The following RIF1 variants were observed in gnomAD, a reference collection of about 807,000 sequenced individuals.
The protein encoded by RIF1 is replication timing regulatory factor 1, also known as telomere-associated protein RIF1.
In RIF1, 45 loss-of-function variants were observed where a neutral mutation model predicts 247.1. The ratio of observed to expected loss-of-function variants is 0.18; its 90% CI spans 0.14 to 0.23. The LOEUF (loss-of-function observed/expected upper bound fraction) is 0.23. Among genes scored for constraint, RIF1 ranks in the 10% least tolerant of loss-of-function variants. RIF1 has a pLI of 1.00. For missense variants in RIF1, 2,967 were observed against 2,862.5 expected (o/e 1.04, Z -0.83); for synonymous variants, 1,087 against 978.8 (o/e 1.11, Z -2.06).
At chr2:151,458,555 T>A (rs1695608252) in intron 24 of RIF1, among the ~76,000 whole-genome samples, 1 of 152,076 alleles carries the variant, frequency 6.6e-6, no homozygotes, top group African/African-American at 2.4e-5. Context: ...AAGCTAGACA[T>A]GAATACTTTA....
chr2:151,456,521 G>A, intron 22 of RIF1, 57 bp from the exon 23 acceptor site: 1 of 886,812 alleles, frequency 1.1e-6, no homozygotes, highest in South Asian at 1.5e-5. Context: ...TAGCTTGATA[G>A]ATAGTACAGT....
the RIF1 span, among the ~76,000 whole-genome samples, chr2:151,517,170 C>T: frequency 6.6e-6 from 1 of 152,164 alleles, no homozygotes; most frequent in African/African-American, 2.4e-5. Flanking sequence ...CTCAAAAGAT[C>T]CTCAAGCCTG....
the RIF1 span, chr2:151,525,042 C>A: frequency 1.3e-6 from 1 of 785,036 alleles, no homozygotes; most frequent in Non-Finnish European, 2.2e-6. Flanking sequence ...ATTCTCGCCA[C>A]TAACTTTTTG....
chr2:151,463,117 T>C lies in RIF1; in HGVS notation c.3597T>C (p.Ser1199=), dbSNP rs1265452799. ...CAGAAAATTCTTTCGTTGTCAGCAG[T>C]AGTTCAGTTTCTAATACCACTGTTG... ...SSTENSFVVS[S]SSVSNTTVAG... is the part of the protein sequence containing the mutation. The change falls in exon 30 of 36, where the codon AGT becomes AGC. Residue 1199 remains serine, a synonymous_variant. Coordinates refer to ENST00000444746, the MANE Select transcript of RIF1 (RefSeq NM_018151.5). 4 of 1,613,828 alleles carry C rather than the reference T, an allele frequency of 2.5e-6. No homozygotes were observed. The highest frequency in any genetic ancestry group is 3.4e-6 in the Non-Finnish European group (4 of 1,179,844).
chr2:151,425,814 G>A (rs957439816), intron 8 of RIF1, among the ~76,000 whole-genome samples: 1 of 150,988 alleles, frequency 6.6e-6, no homozygotes, highest in Non-Finnish European at 1.5e-5. Flanking sequence ...TTACAGGCGC[G>A]CACTACCATG....
chr2:151,500,120 G>C (rs913527967), intron 11 of RIF1, among the ~76,000 whole-genome samples: 14 of 151,912 alleles, frequency 9.2e-5, no homozygotes, highest in African/African-American at 3.4e-4. Flanking sequence ...AAAACAATGA[G>C]TATAACATTC....
chr2:151,513,488 G>T, the RIF1 span: 1 of 911,180 alleles, frequency 1.1e-6, no homozygotes, highest in Non-Finnish European at 1.7e-6. Flanking sequence ...GCATGTGACT[G>T]TCACCAATAA....
At chr2:151,424,841 TTTTTTTTTTTTTTTTC>T (rs1688743753) in intron 8 of RIF1, among the ~76,000 whole-genome samples, 1 of 141,916 alleles carries the variant, frequency 7.0e-6, no homozygotes, top group East Asian at 2.2e-4. Context: ...TTTTTTTTTT[TTTTTTTTTTTTTTTTC>T]CATATTTTTT....
In RIF1 at chr2:151,455,101, A is replaced by G; in HGVS notation, c.2551A>G (p.Ile851Val). ...TGGGCATATTTCTTTGCCTTCTATG[A>G]TCCGAAAAATATTTGCAACTTTAAC... is the stretch of plus-strand genomic sequence containing the variant. ...VLGHISLPSM[I>V]RKIFATLTRP... Residue 851 changes from isoleucine to valine, a missense_variant, in exon 22 of 36, where the codon ATC (isoleucine) becomes GTC (valine). Ile to Val is a conservative substitution (Grantham distance 29). Coordinates refer to ENST00000444746, the MANE Select transcript of RIF1 (RefSeq NM_018151.5). 1 of 1,613,296 alleles carries G rather than the reference A, an allele frequency of 6.2e-7. No homozygotes were observed. Among genetic ancestry groups the G allele is most frequent in the African/African-American group, 1.3e-5 (1 of 75,030 alleles).
chr2:151,500,603 T>TC (rs2063718307), intron 11 of RIF1, among the ~76,000 whole-genome samples: 1 of 148,760 alleles, frequency 6.7e-6, no homozygotes, highest in African/African-American at 2.5e-5. Flanking sequence ...CTTTTTTTTT[T>TC]TTTTTTTTTT....
chr2:151,533,457 C>T, the RIF1 span: 18 of 1,549,976 alleles, frequency 1.2e-5, no homozygotes, highest in South Asian at 2.4e-5. Context: ...TCCACATATG[C>T]GAATTGTAGA....
At chr2:151,531,122 A>C in the RIF1 span, 1 of 1,475,904 alleles carries the variant, frequency 6.8e-7, no homozygotes, top group South Asian at 1.2e-5. Flanking sequence ...AAAAAGCAGA[A>C]AGACATCATG....
chr2:151,470,935 A>G (rs1437900671), intron 34 of RIF1, among the ~76,000 whole-genome samples: 2 of 152,142 alleles, frequency 1.3e-5, no homozygotes, highest in African/African-American at 2.4e-5. Context: ...TATGATTTAC[A>G]TCGTGTAAAA....
rs371731867 is a variant in RIF1 at position 151,464,531 on chromosome 2, G to A, written c.5011G>A (p.Glu1671Lys). The A allele has an allele frequency of 1.0e-4, 164 of 1,611,468 alleles. No homozygotes were observed. Among genetic ancestry groups the A allele is most frequent in the Non-Finnish European group, 1.3e-4 (152 of 1,179,140 alleles). Residue 1671 changes from glutamate (E) to lysine (K), a missense_variant, in exon 30 of 36, where the codon GAA (glutamate) becomes AAA (lysine). Transcript: ENST00000444746. The part of the protein sequence containing the change: ...EYSFTSLPVP[E>K]SNLRTRNAIK... The stretch of plus-strand genomic sequence containing the variant: ...TTCCTTTACAAGTCTACCTGTGCCA[G>A]AATCAAATCTAAGGACTAGAAATGC...
chr2:151,508,083 C>G, downstream of RIF1: 3 of 1,608,952 alleles, frequency 1.9e-6, no homozygotes, highest in Non-Finnish European at 2.5e-6. Flanking sequence ...ACGACATGGA[C>G]TTCTCAGCAT....
In RIF1 at chr2:151,415,563, CAAAAAAAAA is replaced by C. The variant is rs3040729; in HGVS notation, c.280+658_280+666del. On this transcript the variant is annotated intron_variant, in intron 4 of 35. Coordinates refer to ENST00000444746, the MANE Select transcript of RIF1 (RefSeq NM_018151.5). ...TGCACTCCAGACTGGGACTCTGTCT[CAAAAAAAAA>C]AAAAAAAAAAAAAGGATATTGCTGG... is the stretch of plus-strand genomic sequence containing the variant. Among the ~76,000 whole-genome samples the C allele has an allele frequency of 7.0e-3, 316 of 44,882 alleles. 10 individuals carry two copies. The East Asian group carries it at 0.13, about 18-fold the overall frequency. The allele number at this position is 44,882 out of a possible 152,430, so 29.4% of individuals were successfully genotyped here.
rs531314016 is a variant in RIF1, at chr2:151,501,256, C to CAGA, written c.*709+1719_*709+1721dup. On this transcript the variant is annotated intron_variant and NMD_transcript_variant, in intron 11 of 13. Coordinates refer to the RIF1 transcript ENST00000454583. ...AATGGTGAGTAGGAGATCTGGAAAA[C>CAGA]AGAAGGATTCAGTTGATGTGATTAA... is the stretch of plus-strand genomic sequence containing the variant. 390 of 553,752 alleles carry CAGA rather than the reference C, an allele frequency of 7.0e-4. 3 individuals are homozygous for CAGA. The East Asian group carries it at 8.5e-3, about 12-fold the overall frequency. The allele number at this position is 553,752 out of a possible 1,614,324, so 34.3% of individuals were successfully genotyped here.
rs1559019212 is a variant in RIF1, at chr2:151,464,898, G to T, written c.5378G>T (p.Ser1793Ile). The change falls in exon 30 of 36, where the codon AGT (serine) becomes ATT (isoleucine). Residue 1793 changes from serine to isoleucine, a missense_variant. By Grantham distance (142) the Ser-to-Ile change is moderately radical (BLOSUM62 -2). Transcript: ENST00000444746. The part of the protein sequence containing the change: ...SEGQFLDEHH[S>I]VNFHLGLKED... ...GGACAATTTTTAGATGAACATCATA[G>T]TGTGAATTTTCATTTGGGTCTCAAA... The T allele has an allele frequency of 6.3e-7, 1 of 1,583,030 alleles. No individual in the cohort carries two copies. Among genetic ancestry groups the T allele is most frequent in the South Asian group, 1.2e-5 (1 of 84,916 alleles).
chr2:151,430,583 G>T (rs972959756), intron 9 of RIF1, among the ~76,000 whole-genome samples: 4 of 152,184 alleles, frequency 2.6e-5, no homozygotes, highest in African/African-American at 9.7e-5. Flanking sequence ...GTCTCCCAAA[G>T]TGCTGGGATT....
Sources: gnomAD v4.1 joint callset for allele counts (sites outside exome capture counted in the v4.1 genomes callset) on GRCh38, gnomAD v4.1.1 for gene constraint, MANE v1.5 for transcripts, NCBI Gene and HGNC (gene_info 2026-07-23, HGNC 2026-07-21) for gene names.